The following RAP1GAP2 variants were observed in gnomAD, a reference collection of about 807,000 sequenced individuals.
RAP1GAP2 encodes rap1 GTPase-activating protein 2.
Under a neutral mutation model 95.0 loss-of-function variants are expected in RAP1GAP2, and 27 were observed. The observed-to-expected ratio is 0.28, with a 90% CI of 0.21 to 0.39. The LOEUF (loss-of-function observed/expected upper bound fraction) is 0.39. RAP1GAP2 is among the 10% of genes least tolerant of loss of function. RAP1GAP2 has a pLI of 1.00. For missense variants in RAP1GAP2, 771 were observed against 970.0 expected, an observed-to-expected ratio of 0.79 and a Z score of 2.72; for synonymous variants, 373 against 380.9, an observed-to-expected ratio of 0.98 and a Z score of 0.24.
At position 2,798,360 on chromosome 17, in the gene RAP1GAP2, A is replaced by C. The variant is rs529359909; in HGVS notation, c.44+1789A>C. Among the ~76,000 whole-genome samples the C allele has an allele frequency of 2.9e-3, 441 of 151,896 alleles. 2 individuals are homozygous for C. The highest frequency in any genetic ancestry group is 0.01 in the African/African-American group (414 of 41,394). On this transcript the variant is annotated intron_variant, in intron 1 of 24. Transcript: ENST00000254695. The stretch of plus-strand genomic sequence containing the variant: ...ACACAGGCTCAGTCGATGCTTGTGG[A>C]CTCATCGAGGTCTTTTGCACACAGC...
chr17:2,771,326 C>T (rs906142728), intron 2 of RAP1GAP2, among the ~76,000 whole-genome samples: 3 of 152,052 alleles, frequency 2.0e-5, no homozygotes, highest in Admixed American at 2.0e-4. Context: ...CTCCAAACCC[C>T]TGCCCACTCT....
intron 4 of RAP1GAP2, among the ~76,000 whole-genome samples, chr17:2,960,081 C>T (rs117299305): frequency 6.9e-5 from 10 of 144,204 alleles, no homozygotes; most frequent in African/African-American, 1.9e-4. Context: ...GCCGAGATTG[C>T]GCCACTGCAT....
At chr17:2,761,256 G>A (rs1220959455) in intron 1 of RAP1GAP2, among the ~76,000 whole-genome samples, 1 of 149,806 alleles carries the variant, frequency 6.7e-6, no homozygotes, top group African/African-American at 2.5e-5. Context: ...AGCCTGGCCG[G>A]TGGGGTGCCA....
At chr17:2,975,919 G>A (rs2045098188) in intron 8 of RAP1GAP2, among the ~76,000 whole-genome samples, 1 of 152,264 alleles carries the variant, frequency 6.6e-6, no homozygotes, top group Admixed American at 6.5e-5. Context: ...AAACTGGGCA[G>A]GGAAAGAGTC....
chr17:2,896,611 G>A (rs775069442), intron 2 of RAP1GAP2, among the ~76,000 whole-genome samples: 2 of 152,214 alleles, frequency 1.3e-5, no homozygotes, highest in Non-Finnish European at 2.9e-5. Context: ...TGCCCATGTG[G>A]GTAGATTGGT....
At position 2,866,957 on chromosome 17, in the gene RAP1GAP2, G is replaced by C. The variant is rs1257581506; in HGVS notation, c.81-38327G>C. On this transcript the variant is annotated intron_variant, in intron 2 of 24. Transcript: ENST00000254695. The surrounding 1 kb of genome is among the most constrained non-coding windows in gnomAD (Gnocchi z 4.0). ...ACTCTGTCACCCAGGCTGGAGTGCA[G>C]TGGTACAATCTCGGCTCACTGCAAC... 6.6e-6 allele frequency among the ~76,000 whole-genome samples: 1 copy of C among 152,010 alleles called. No individual in the cohort carries two copies. Among genetic ancestry groups the C allele is most frequent in the Non-Finnish European group, 1.5e-5 (1 of 68,028 alleles).
At chr17:2,767,627 A>G (rs2068302439) in intron 1 of RAP1GAP2, among the ~76,000 whole-genome samples, 1 of 152,002 alleles carries the variant, frequency 6.6e-6, no homozygotes, top group South Asian at 2.1e-4. Flanking sequence ...TCCTCTGAAC[A>G]ATGTGCCTTG....
At position 3,004,219 on chromosome 17, in the gene RAP1GAP2, C is replaced by T. The variant is rs892654306; in HGVS notation, c.1201-1150C>T. On this transcript the variant is annotated intron_variant, in intron 14 of 24. Transcript: ENST00000254695. This position sits in a 1 kb window ranked among gnomAD's most constrained non-coding sequence, Gnocchi z 4.1. ...GAGCCCAGCCAGAAATCACGTCAGCCGAACGCGCACCATTTCCTGACTCGG... is the reference window on the plus strand; with the variant it reads ...GAGCCCAGCCAGAAATCACGTCAGCTGAACGCGCACCATTTCCTGACTCGG... Among the ~76,000 whole-genome samples, 5 of 152,166 alleles carry T rather than the reference C, an allele frequency of 3.3e-5. No homozygotes were observed. The highest frequency in any genetic ancestry group is 4.8e-5 in the African/African-American group (2 of 41,388).
At chr17:2,909,976 C>G (rs531719733) in intron 3 of RAP1GAP2, among the ~76,000 whole-genome samples, 1 of 152,116 alleles carries the variant, frequency 6.6e-6, no homozygotes, top group Non-Finnish European at 1.5e-5. Context: ...CTGTCTATGG[C>G]GAGGAGGTTT....
Position 3,026,997 on chromosome 17 carries a change from C to T in RAP1GAP2, c.2034C>T (p.Ser678=), listed in dbSNP as rs2047140831. Residue 678 remains serine (S), a synonymous_variant, in exon 22 of 25, where the codon AGC becomes AGT. Transcript: ENST00000254695. ...SPFKQEVFVY[S]PSPSSESPSL... ...TCAAGCAGGAGGTGTTTGTCTACAG[C>T]CCGTCCCCGAGCAGCGAGAGCCCCA... The T allele has an allele frequency of 5.8e-6, 9 of 1,559,728 alleles. No homozygotes were observed. Among genetic ancestry groups the T allele is most frequent in the Non-Finnish European group, 7.8e-6 (9 of 1,151,852 alleles).
chr17:2,971,210 A>C (rs2044855112), intron 8 of RAP1GAP2, among the ~76,000 whole-genome samples: 1 of 152,196 alleles, frequency 6.6e-6, no homozygotes, highest in Non-Finnish European at 1.5e-5. Context: ...ATTTGATGAT[A>C]AAACTAGCAA....
In RAP1GAP2 at chr17:2,903,748, G is replaced by T. The variant is rs1345363364; in HGVS notation, c.81-1536G>T. Among the ~76,000 whole-genome samples the T allele has an allele frequency of 1.2e-5, 1 of 83,080 alleles. No homozygotes were observed. The highest frequency in any genetic ancestry group is 3.0e-5 in the Non-Finnish European group (1 of 33,160). 54.5% of individuals were successfully genotyped at this position (83,080 alleles called of 152,430 possible). ...GGCCCCTGATGTGGCTCCCTAGTTGGCCACAGGGAGGGCTGGCTGGTCAAC... is the reference window on the plus strand; with the variant it reads ...GGCCCCTGATGTGGCTCCCTAGTTGTCCACAGGGAGGGCTGGCTGGTCAAC... On this transcript the variant is annotated intron_variant, in intron 2 of 24. Transcript: ENST00000254695. The surrounding 1 kb of genome is among the most constrained non-coding windows in gnomAD (Gnocchi z 4.1).
rs548098389 is a variant in RAP1GAP2 at position 2,926,647 on chromosome 17, A to T, written c.165+21279A>T. On this transcript the variant is annotated intron_variant, in intron 3 of 24. Transcript: ENST00000254695. ...CACACTTAGTGGCTTAAGACAACAC[A>T]AATCTATCATCTTACAGTTCTGAGG... Among the ~76,000 whole-genome samples the T allele has an allele frequency of 5.3e-5, 8 of 152,240 alleles. No individual in the cohort carries two copies. In the South Asian group the frequency reaches 6.2e-4, roughly 12 times the overall value.
At position 2,931,688 on chromosome 17, in the gene RAP1GAP2, G is replaced by A. The variant is rs557333587; in HGVS notation, c.166-26071G>A. 2.6e-5 allele frequency among the ~76,000 whole-genome samples: 4 copies of A among 152,360 alleles called. No individual in the cohort carries two copies. The East Asian group carries it at 5.8e-4, about 22-fold the overall frequency. ...CTGACTGTTAGAATCACTCGGGACC[G>A]AAGCACTTATTTAAGTAATCATTAA... On this transcript the variant is annotated intron_variant, in intron 3 of 24. Transcript: ENST00000254695.
At chr17:2,823,478 C>G (rs2070399234) in intron 2 of RAP1GAP2, among the ~76,000 whole-genome samples, 1 of 152,230 alleles carries the variant, frequency 6.6e-6, no homozygotes, top group Admixed American at 6.5e-5. Context: ...TTGTCTTCCT[C>G]TGGGCACCTG....
In RAP1GAP2 at chr17:2,902,703, G is replaced by A. The variant is rs1597564251; in HGVS notation, c.81-2581G>A. ...TCCTTCTGGTCAGAAGCTGCCATGT[G>A]CTCCGACTTGAGAGTCTGCCTCGCT... On this transcript the variant is annotated intron_variant, in intron 2 of 24. Coordinates refer to ENST00000254695, the MANE Select transcript of RAP1GAP2 (RefSeq NM_015085.5). This position sits in a 1 kb window ranked among gnomAD's most constrained non-coding sequence, Gnocchi z 4.1. Among the ~76,000 whole-genome samples the A allele has an allele frequency of 6.6e-6, 1 of 152,166 alleles. No homozygotes were observed. The highest frequency in any genetic ancestry group is 2.4e-5 in the African/African-American group (1 of 41,442).
chr17:2,942,522 C>A (rs2151434361), intron 3 of RAP1GAP2, among the ~76,000 whole-genome samples: 1 of 152,244 alleles, frequency 6.6e-6, no homozygotes, highest in South Asian at 2.1e-4. Flanking sequence ...TTGAAAACTT[C>A]AGCAACACTG....
In RAP1GAP2 at chr17:3,020,498, G is replaced by A. The variant is rs372980490; in HGVS notation, c.1654G>A (p.Val552Met). Residue 552 changes from valine to methionine, a missense_variant, in exon 19 of 25, where the codon GTG (valine) becomes ATG (methionine). Physicochemically the swap from Val to Met is conservative, Grantham distance 21 (BLOSUM62 1). Transcript: ENST00000254695. The part of the protein sequence containing the change: ...TFSPPVVAAT[V>M]KNQSRSPIKR... ...ACAGCCTCCAGTGGTGGCGGCAACG[G>A]TGAAGAACCAGTCACGGAGTCCCAT... The A allele has an allele frequency of 7.4e-6, 12 of 1,613,676 alleles. No homozygotes were observed. In the African/African-American group the frequency reaches 8.0e-5, roughly 11 times the overall value.
At position 2,926,780 on chromosome 17, in the gene RAP1GAP2, G is replaced by A. The variant is rs551185388; in HGVS notation, c.165+21412G>A. 8.6e-5 allele frequency among the ~76,000 whole-genome samples: 13 copies of A among 151,862 alleles called. No individual in the cohort carries two copies. The South Asian group carries it at 1.2e-3, about 15-fold the overall frequency. On this transcript the variant is annotated intron_variant, in intron 3 of 24. Coordinates refer to ENST00000254695, the MANE Select transcript of RAP1GAP2 (RefSeq NM_015085.5). The stretch of plus-strand genomic sequence containing the variant: ...AGCACTTTGAGAGGCCGAGGCGGGC[G>A]GATCACCTGAGGTCAAGAGTTCGAG...
Sources: gnomAD v4.1 joint callset for allele counts (sites outside exome capture counted in the v4.1 genomes callset) on GRCh38, gnomAD v4.1.1 for gene constraint, Gnocchi (gnomAD v3.1) non-coding constraint, MANE v1.5 for transcripts, NCBI Gene and HGNC (gene_info 2026-07-23, HGNC 2026-07-21) for gene names.